ARHGAP6: variants seen among roughly 807,000 people sequenced by gnomAD.
ARHGAP6 encodes the protein rho GTPase-activating protein 6.
In ARHGAP6, 16 loss-of-function variants were observed where a neutral mutation model predicts 55.7. The observed-to-expected ratio is 0.29, with a 90% confidence interval of 0.19 to 0.44. The LOEUF (loss-of-function observed/expected upper bound fraction) is 0.44. Ranked by LOEUF, ARHGAP6 falls within the 20% of genes least tolerant of loss-of-function variation. The probability of loss-of-function intolerance (pLI) is 1.00; values close to 1 mark genes in which losing one functional copy is unlikely to be tolerated. For synonymous variants in ARHGAP6, 382 were observed against 360.9 expected (o/e 1.06, Z -0.66); for missense variants, 698 against 808.9 (o/e 0.86, Z 1.66).
intron 1 of ARHGAP6, among the ~76,000 whole-genome samples, chrX:11,273,410 T>C (rs1401743465): frequency 1.0e-5 from 1 of 100,338 alleles, no homozygotes; most frequent in African/African-American, 3.6e-5. Flanking sequence ...TTTTATTTCA[T>C]TTGTAAAAAA....
At chrX:11,335,065 G>A in intron 1 of ARHGAP6, 1 of 125,326 alleles carries the variant, frequency 8.0e-6, no homozygotes. Flanking sequence ...AAAAATCTTT[G>A]CACAAAACTG....
At chrX:11,191,999 G>C (rs749995364) in intron 3 of ARHGAP6, among the ~76,000 whole-genome samples, 1 of 111,725 alleles carries the variant, frequency 9.0e-6, no homozygotes, top group East Asian at 2.8e-4. Context: ...GTCTCTCTCT[G>C]TAAGTGACAG....
chrX:11,243,726 T>C (rs1339874006), intron 2 of ARHGAP6, among the ~76,000 whole-genome samples: 1 of 112,392 alleles, frequency 8.9e-6, no homozygotes, highest in Non-Finnish European at 1.9e-5. Context: ...GAAAAGATTA[T>C]AATGGAGGTG....
intron 1 of ARHGAP6, among the ~76,000 whole-genome samples, chrX:11,494,590 C>T (rs183570306): frequency 1.0e-3 from 115 of 112,694 alleles, no homozygotes; most frequent in African/African-American, 3.6e-3. Flanking sequence ...AGAGCAGATG[C>T]TTTCAGAGTC....
intron 1 of ARHGAP6, among the ~76,000 whole-genome samples, chrX:11,599,924 T>C (rs1421405717): frequency 1.8e-5 from 2 of 112,153 alleles, no homozygotes; most frequent in Non-Finnish European, 3.8e-5. Context: ...AGCAGAACAA[T>C]GAAATGTGTG....
At chrX:11,233,696 T>C (rs2147445453) in intron 2 of ARHGAP6, among the ~76,000 whole-genome samples, 1 of 112,563 alleles carries the variant, frequency 8.9e-6, no homozygotes, top group African/African-American at 3.2e-5. Context: ...GCATGAGCTA[T>C]TCTGGCTTTT....
chrX:11,521,835 G>C (rs2050931899), intron 1 of ARHGAP6, among the ~76,000 whole-genome samples: 1 of 110,831 alleles, frequency 9.0e-6, no homozygotes, highest in Non-Finnish European at 1.9e-5. Context: ...TTATTTCATT[G>C]AGCAGTGGTT....
chrX:11,529,456 C>T (rs764650952), intron 1 of ARHGAP6, among the ~76,000 whole-genome samples: 1 of 112,027 alleles, frequency 8.9e-6, no homozygotes, highest in South Asian at 3.7e-4. Flanking sequence ...AAATTAGGTT[C>T]AATAGATATA....
intron 1 of ARHGAP6, among the ~76,000 whole-genome samples, chrX:11,436,813 A>C (rs1314408525): frequency 2.8e-5 from 3 of 107,685 alleles, no homozygotes; most frequent in African/African-American, 1.0e-4. Context: ...TCATTTATAC[A>C]AAATGTCAAG....
At chrX:11,424,705 T>C (rs2049860604) in intron 1 of ARHGAP6, among the ~76,000 whole-genome samples, 1 of 112,186 alleles carries the variant, frequency 8.9e-6, no homozygotes, top group Admixed American at 9.4e-5. Flanking sequence ...TAAATCTGAT[T>C]CAGTCACCAA....
chrX:11,478,801 C>G (rs1334617319), intron 1 of ARHGAP6, among the ~76,000 whole-genome samples: 2 of 111,890 alleles, frequency 1.8e-5, no homozygotes, highest in African/African-American at 6.5e-5. Context: ...AAGATGCTAA[C>G]TATCAAGAAT....
intron 1 of ARHGAP6, among the ~76,000 whole-genome samples, chrX:11,454,264 G>T (rs1489239213): frequency 3.6e-5 from 4 of 110,043 alleles, no homozygotes; most frequent in Non-Finnish European, 7.6e-5. Flanking sequence ...CCAGCCAAAA[G>T]CTGTTTCTTA....
At chrX:11,645,339 T>G (rs1430851403) in intron 1 of ARHGAP6, among the ~76,000 whole-genome samples, 1 of 111,050 alleles carries the variant, frequency 9.0e-6, no homozygotes, top group Non-Finnish European at 1.9e-5. Context: ...TGCTATCCCT[T>G]ATATTAATAT....
intron 1 of ARHGAP6, among the ~76,000 whole-genome samples, chrX:11,635,394 GA>G (rs1240227054): frequency 9.0e-6 from 1 of 111,059 alleles, no homozygotes; most frequent in Non-Finnish European, 1.9e-5. Flanking sequence ...TATTCTATGA[GA>G]TTTTTTTAAA....
At chrX:11,182,988 C>CAT (rs950474582) in intron 5 of ARHGAP6, among the ~76,000 whole-genome samples, 4 of 111,515 alleles carry the variant, frequency 3.6e-5, no homozygotes, top group South Asian at 7.5e-4. Flanking sequence ...GATCACACTG[C>CAT]ATATATATAA....
intron 1 of ARHGAP6, among the ~76,000 whole-genome samples, chrX:11,553,252 T>C (rs964743252): frequency 1.4e-4 from 15 of 109,922 alleles, no homozygotes; most frequent in African/African-American, 5.0e-4. Context: ...CATTTTTTTT[T>C]TTTTTTTGAG....
intron 2 of ARHGAP6, among the ~76,000 whole-genome samples, chrX:11,236,825 C>T (rs181240783): frequency 5.5e-3 from 619 of 112,138 alleles, no homozygotes; most frequent in Non-Finnish European, 8.6e-3. Flanking sequence ...TTCCAATAAG[C>T]GCAGTTCTGT....
At chrX:11,631,168 T>C (rs2052356552) in intron 1 of ARHGAP6, among the ~76,000 whole-genome samples, 1 of 111,502 alleles carries the variant, frequency 9.0e-6, no homozygotes, top group African/African-American at 3.3e-5. Flanking sequence ...TTGTGCAATG[T>C]CTGTGTTGTA....
chrX:11,300,110 T>C (rs767746664), intron 1 of ARHGAP6, among the ~76,000 whole-genome samples: 1 of 112,074 alleles, frequency 8.9e-6, no homozygotes, highest in South Asian at 3.7e-4. Flanking sequence ...AAGGCACATG[T>C]TCTCTCTGTA....
Sources: allele counts gnomAD v4.1 joint callset (sites outside exome capture counted in the v4.1 genomes callset), GRCh38; gene constraint gnomAD v4.1.1; transcripts MANE v1.5; gene names NCBI Gene and HGNC (gene_info 2026-07-23, HGNC 2026-07-21).